Variants in CABCOCO1 observed in about 807,000 individuals in gnomAD.
CABCOCO1 encodes the protein ciliary-associated calcium-binding coiled-coil protein 1.
Under a neutral mutation model 35.7 loss-of-function variants are expected in CABCOCO1, and 28 were observed. That is an observed-to-expected ratio of 0.78 (90% confidence interval 0.58 to 1.07). The LOEUF (loss-of-function observed/expected upper bound fraction) is 1.07, where lower values mean the gene tolerates loss of function less well. CABCOCO1 is among the 50% of genes least tolerant of loss of function. The probability of loss-of-function intolerance (pLI) is 0.00; values close to 1 mark genes in which losing one functional copy is unlikely to be tolerated. For missense variants in CABCOCO1, 326 were observed against 309.2 expected (o/e 1.05, Z -0.41); for synonymous variants, 95 against 100.1 (o/e 0.95, Z 0.30).
At chr10:61,677,175 G>C (rs1379742458) in intron 2 of CABCOCO1, among the ~76,000 whole-genome samples, 1 of 152,114 alleles carries the variant, frequency 6.6e-6, no homozygotes, top group Admixed American at 6.6e-5. Context: ...GGACCTTTCT[G>C]TGTGGTCTTG....
intron 1 of CABCOCO1, among the ~76,000 whole-genome samples, chr10:61,670,910 A>G (rs1370503678): frequency 6.6e-6 from 1 of 152,184 alleles, no homozygotes; most frequent in Non-Finnish European, 1.5e-5. Context: ...AGCATTTCTA[A>G]CTAAACTCTA....
rs72821799 is a variant in CABCOCO1 at position 61,700,509 on chromosome 10, G to C, written c.552+9888G>C. On this transcript the variant is annotated intron_variant, in intron 5 of 7. Coordinates refer to ENST00000648843, the MANE Select transcript of CABCOCO1 (RefSeq NM_001366906.2). Reference sequence around the variant, plus strand: ...CTCGAAAATTAAAATGAAACCATTGGCTTGTGAGAATGTGATGAATGGCAT... The same window carrying C: ...CTCGAAAATTAAAATGAAACCATTGCCTTGTGAGAATGTGATGAATGGCAT... Among the ~76,000 whole-genome samples the C allele has an allele frequency of 4.7e-3, 722 of 152,146 alleles. 6 individuals carry two copies. Among genetic ancestry groups the C allele is most frequent in the Non-Finnish European group, 5.9e-3 (401 of 67,934 alleles).
At chr10:61,679,589 G>A (rs1399648990) in intron 2 of CABCOCO1, among the ~76,000 whole-genome samples, 1 of 152,162 alleles carries the variant, frequency 6.6e-6, no homozygotes, top group Non-Finnish European at 1.5e-5. Context: ...GAAAATGCCT[G>A]CTAGTTTGTA....
chr10:61,689,530 G>A (rs886762573), intron 4 of CABCOCO1, among the ~76,000 whole-genome samples: 1 of 152,058 alleles, frequency 6.6e-6, no homozygotes, highest in African/African-American at 2.4e-5. Context: ...GCTGCCGGAG[G>A]ATTTCTTCAT....
At chr10:61,731,501 C>T (rs573239411) in intron 5 of CABCOCO1, among the ~76,000 whole-genome samples, 1 of 151,886 alleles carries the variant, frequency 6.6e-6, no homozygotes, top group South Asian at 2.1e-4. Context: ...TCAGTATTTA[C>T]CAAATCTCAT....
At chr10:61,742,435 T>G (rs1243735004) in intron 5 of CABCOCO1, among the ~76,000 whole-genome samples, 1 of 152,072 alleles carries the variant, frequency 6.6e-6, no homozygotes, top group Non-Finnish European at 1.5e-5. Flanking sequence ...AGAAACTAGA[T>G]TCAAATCCTT....
chr10:61,739,808 G>A (rs952640323), intron 5 of CABCOCO1, among the ~76,000 whole-genome samples: 1 of 152,154 alleles, frequency 6.6e-6, no homozygotes, highest in Non-Finnish European at 1.5e-5. Context: ...CAGGCATGGT[G>A]GCACGTGCCT....
At chr10:61,723,982 C>T (rs942283731) in intron 5 of CABCOCO1, among the ~76,000 whole-genome samples, 1 of 152,040 alleles carries the variant, frequency 6.6e-6, no homozygotes, top group Non-Finnish European at 1.5e-5. Flanking sequence ...AGTATGCTGG[C>T]TTTAAAAACC....
chr10:61,736,443 ATGGTCATAGATG>A (rs1841418000), intron 5 of CABCOCO1, among the ~76,000 whole-genome samples: 1 of 152,104 alleles, frequency 6.6e-6, no homozygotes, highest in Non-Finnish European at 1.5e-5. Flanking sequence ...GAAAGATCAG[ATGGTCATAGATG>A]TGCAGCCTTA....
intron 5 of CABCOCO1, among the ~76,000 whole-genome samples, chr10:61,706,221 TATA>T (rs1424847354): frequency 2.6e-5 from 4 of 152,180 alleles, no homozygotes; most frequent in Non-Finnish European, 5.9e-5. Flanking sequence ...GCTAACCAAA[TATA>T]TATGTTTCAG....
intron 3 of CABCOCO1, among the ~76,000 whole-genome samples, chr10:61,683,660 T>C (rs1023809888): frequency 1.2e-4 from 18 of 152,246 alleles, no homozygotes; most frequent in African/African-American, 4.3e-4. Flanking sequence ...ATTATAAGTC[T>C]AGTATGTTCT....
chr10:61,667,739 T>A (rs1309451220), intron 1 of CABCOCO1, among the ~76,000 whole-genome samples: 1 of 151,884 alleles, frequency 6.6e-6, no homozygotes, highest in Non-Finnish European at 1.5e-5. Flanking sequence ...TCTTGCCAAA[T>A]TTTTTATTAG....
At chr10:61,752,441 C>T (rs1433954597) in intron 5 of CABCOCO1, among the ~76,000 whole-genome samples, 5 of 150,978 alleles carry the variant, frequency 3.3e-5, no homozygotes, top group Non-Finnish European at 7.4e-5. Flanking sequence ...CAACATGTTT[C>T]CTGGTAATAA....
rs768453059 is a variant in CABCOCO1, at chr10:61,706,122, G to A, written c.552+15501G>A. On this transcript the variant is annotated intron_variant, in intron 5 of 7. Coordinates refer to ENST00000648843, the MANE Select transcript of CABCOCO1 (RefSeq NM_001366906.2). Reference sequence around the variant, plus strand: ...AGGATGATATAAATAATAGTGTAACGAAGTTACTTTATTCTTTTACAACCC... The same window carrying A: ...AGGATGATATAAATAATAGTGTAACAAAGTTACTTTATTCTTTTACAACCC... 3.9e-5 allele frequency among the ~76,000 whole-genome samples: 6 copies of A among 152,190 alleles called. No homozygotes were observed. The South Asian group carries it at 1.0e-3, about 26-fold the overall frequency.
At chr10:61,706,467 C>T (rs752983997) in intron 5 of CABCOCO1, among the ~76,000 whole-genome samples, 12 of 152,154 alleles carry the variant, frequency 7.9e-5, no homozygotes, top group South Asian at 4.1e-4. Flanking sequence ...TTAATTGTTC[C>T]GCTTTCACAA....
chr10:61,718,654 T>C (rs181498380), intron 5 of CABCOCO1, among the ~76,000 whole-genome samples: 2 of 152,222 alleles, frequency 1.3e-5, no homozygotes, highest in African/African-American at 4.8e-5. Flanking sequence ...GTTGTCATTT[T>C]GGTCTTTGTC....
intron 5 of CABCOCO1, among the ~76,000 whole-genome samples, chr10:61,757,011 A>G (rs1385831084): frequency 6.6e-6 from 1 of 152,060 alleles, no homozygotes; most frequent in African/African-American, 2.4e-5. Context: ...ACGTTCTTTC[A>G]GAAAATCTAA....
chr10:61,710,550 A>G (rs985332878), intron 5 of CABCOCO1, among the ~76,000 whole-genome samples: 1 of 152,040 alleles, frequency 6.6e-6, no homozygotes, highest in Non-Finnish European at 1.5e-5. Context: ...TGCTTCATCC[A>G]AAAACTAATG....
chr10:61,681,459 C>G, intron 3 of CABCOCO1, 147 bp downstream of exon 3: 1 of 566,244 alleles, frequency 1.8e-6, no homozygotes, highest in Non-Finnish European at 2.9e-6. Flanking sequence ...TAGTTCCTAT[C>G]TCCATTGAGT....
Sources: allele counts gnomAD v4.1 joint callset (sites outside exome capture counted in the v4.1 genomes callset), GRCh38; gene constraint gnomAD v4.1.1; transcripts MANE v1.5; gene names NCBI Gene and HGNC (gene_info 2026-07-23, HGNC 2026-07-21).